EPS15L1: variants seen among roughly 807,000 people sequenced by gnomAD.
EPS15L1 encodes epidermal growth factor receptor pathway substrate 15 like 1, also known as epidermal growth factor receptor substrate 15-like 1.
A neutral mutation model predicts 117.1 loss-of-function variants in EPS15L1; 43 were observed. The observed-to-expected ratio is 0.37, with a 90% CI of 0.29 to 0.47. EPS15L1 has a LOEUF of 0.47. Among genes scored for constraint, EPS15L1 ranks in the 20% least tolerant of loss-of-function variants. The probability of loss-of-function intolerance (pLI) is 0.99; values close to 1 mark genes in which losing one functional copy is unlikely to be tolerated. For synonymous variants in EPS15L1, 459 were observed against 470.5 expected, an observed-to-expected ratio of 0.98 and a Z score of 0.32; for missense variants, 981 against 1,164.0, an observed-to-expected ratio of 0.84 and a Z score of 2.29.
intron 1 of EPS15L1, among the ~76,000 whole-genome samples, chr19:16,460,233 G>A (rs978729894): frequency 2.6e-5 from 4 of 152,138 alleles, no homozygotes; most frequent in Non-Finnish European, 5.9e-5. Context: ...GCAGTGAGCC[G>A]TGATGGCACC....
At chr19:16,439,317 A>G (rs1004844702) in intron 4 of EPS15L1, among the ~76,000 whole-genome samples, 33 of 152,296 alleles carry the variant, frequency 2.2e-4, no homozygotes, top group African/African-American at 7.5e-4. Context: ...GAAAAAAAGA[A>G]AAAGGAATTA....
chr19:16,398,428 C>A (rs1056160509), intron 16 of EPS15L1, among the ~76,000 whole-genome samples: 4 of 152,104 alleles, frequency 2.6e-5, no homozygotes, highest in Admixed American at 2.6e-4. Context: ...CTGACGACCA[C>A]AAGACACACA....
At chr19:16,356,217 G>A (rs373883172) in intron 23 of EPS15L1, 6 of 285,180 alleles carry the variant, frequency 2.1e-5, no homozygotes, top group East Asian at 2.0e-4. Context: ...AAAGCCCCAC[G>A]GCGCAGACAA....
intron 13 of EPS15L1, among the ~76,000 whole-genome samples, chr19:16,406,383 G>A (rs2092656658): frequency 6.6e-6 from 1 of 152,208 alleles, no homozygotes; most frequent in Non-Finnish European, 1.5e-5. Context: ...GAAGATGCTG[G>A]AAACATAAAG....
chr19:16,461,858 A>C (rs2093255942), intron 1 of EPS15L1, among the ~76,000 whole-genome samples: 1 of 152,180 alleles, frequency 6.6e-6, no homozygotes, highest in Non-Finnish European at 1.5e-5. Flanking sequence ...CCAAGAGACA[A>C]AACGTTCCCT....
intron 1 of EPS15L1, among the ~76,000 whole-genome samples, chr19:16,450,747 T>A (rs2093133587): frequency 6.6e-6 from 1 of 151,600 alleles, no homozygotes; most frequent in Non-Finnish European, 1.5e-5. Context: ...CCTCCCAAAG[T>A]GCTGGGATTA....
In EPS15L1 at chr19:16,355,849, A is replaced by G. The variant is rs2091972844; in HGVS notation, c.2589T>C (p.Phe863=). 1 of 1,535,716 alleles carries G rather than the reference A, an allele frequency of 6.5e-7. No individual in the cohort carries two copies. The highest frequency in any genetic ancestry group is 2.0e-5 in the Admixed American group (1 of 50,984). ...ACGCCAGCTGCTGCTCCTCATTGCC[A>G]AACTGCAAAGGAAAAACGGAGAGTG... ...SASGFADFTS[F]GNEEQQLAWA... Residue 863 remains phenylalanine, a splice_region_variant and synonymous_variant, in exon 24 of 24, where the codon TTT becomes TTC. Transcript: ENST00000455140.
At chr19:16,432,038 C>T (rs917676424) in intron 7 of EPS15L1, among the ~76,000 whole-genome samples, 2 of 152,132 alleles carry the variant, frequency 1.3e-5, no homozygotes, top group East Asian at 1.9e-4. Flanking sequence ...CTTGAGTATG[C>T]GTACATTTCG....
intron 21 of EPS15L1, among the ~76,000 whole-genome samples, chr19:16,382,143 T>C (rs1039586219): frequency 6.6e-6 from 1 of 152,146 alleles, no homozygotes; most frequent in African/African-American, 2.4e-5. Flanking sequence ...GCGCCTCCCA[T>C]GTGTGTTTAA....
intron 1 of EPS15L1, among the ~76,000 whole-genome samples, chr19:16,446,390 C>G (rs1242142258): frequency 6.6e-6 from 1 of 152,210 alleles, no homozygotes; most frequent in African/African-American, 2.4e-5. Context: ...AGTACGCGCT[C>G]TTGTGCAAAA....
intron 10 of EPS15L1, among the ~76,000 whole-genome samples, chr19:16,420,540 T>C (rs1330322242): frequency 6.6e-6 from 1 of 152,210 alleles, no homozygotes; most frequent in East Asian, 1.9e-4. Context: ...CCTCACAGTG[T>C]GGTCATCTGT....
chr19:16,432,395 C>T (rs1909214596), intron 7 of EPS15L1, among the ~76,000 whole-genome samples: 1 of 152,064 alleles, frequency 6.6e-6, no homozygotes, highest in African/African-American at 2.4e-5. Context: ...GGTGAAACCC[C>T]ATCTCTACTA....
chr19:16,386,973 G>T (rs1047728959), intron 19 of EPS15L1, among the ~76,000 whole-genome samples: 2 of 152,152 alleles, frequency 1.3e-5, no homozygotes, highest in African/African-American at 4.8e-5. Context: ...AACATATAAA[G>T]AACTGGAAAA....
intron 22 of EPS15L1, among the ~76,000 whole-genome samples, chr19:16,363,627 C>T (rs1270561249): frequency 6.6e-6 from 1 of 152,236 alleles, no homozygotes; most frequent in African/African-American, 2.4e-5. Flanking sequence ...TGCCTCCTCC[C>T]AGCTGGCCTC....
chr19:16,471,889 C>A lies in EPS15L1; in HGVS notation c.33+24G>T. ...CCTCGCGCCCCGCACCCCGGCGCCG[C>A]CCCCAGGCCCGCCCGGCCCGTACCT... On this transcript the variant is annotated intron_variant, in intron 1 of 23. Coordinates refer to ENST00000455140, the MANE Select transcript of EPS15L1 (RefSeq NM_001258374.3). The surrounding 1 kb of genome is among the most constrained non-coding windows in gnomAD (Gnocchi z 4.8). 7.8e-7 allele frequency: 1 copy of A among 1,289,412 alleles called. No individual in the cohort carries two copies. Among genetic ancestry groups the A allele is most frequent in the Non-Finnish European group, 9.9e-7 (1 of 1,013,216 alleles). The allele number at this position is 1,289,412 out of a possible 1,614,324, so 79.9% of individuals were successfully genotyped here.
At chr19:16,470,713 C>T (rs1177578164) in intron 1 of EPS15L1, among the ~76,000 whole-genome samples, 1 of 152,072 alleles carries the variant, frequency 6.6e-6, no homozygotes, top group African/African-American at 2.4e-5. Flanking sequence ...ATCAGCTAAC[C>T]AGTCATGCAA....
intron 22 of EPS15L1, among the ~76,000 whole-genome samples, chr19:16,367,356 G>A (rs192552059): frequency 2.0e-5 from 3 of 151,934 alleles, no homozygotes; most frequent in Admixed American, 1.3e-4. Flanking sequence ...AGGGATACAA[G>A]ACTGAAGAAA....
chr19:16,426,924 T>C (rs1851649116), intron 8 of EPS15L1, among the ~76,000 whole-genome samples: 1 of 152,224 alleles, frequency 6.6e-6, no homozygotes, highest in Non-Finnish European at 1.5e-5. Context: ...GTGAATTTCC[T>C]GATTTTGAAG....
Position 16,436,917 on chromosome 19 carries a change from A to G in EPS15L1, c.372+20T>C. ...CTATCTGAAGGAGAGCCAAGGAGGG[A>G]GCTATTCCCGTTCACTTACCCTCAC... is the stretch of plus-strand genomic sequence containing the variant. On this transcript the variant is annotated intron_variant, in intron 6 of 23. Transcript: ENST00000455140. 6.3e-7 allele frequency: 1 copy of G among 1,597,470 alleles called. No homozygotes were observed. Among genetic ancestry groups the G allele is most frequent in the Non-Finnish European group, 8.6e-7 (1 of 1,165,246 alleles).
Sources: allele counts gnomAD v4.1 joint callset (sites outside exome capture counted in the v4.1 genomes callset), GRCh38; gene constraint gnomAD v4.1.1; non-coding constraint Gnocchi (gnomAD v3.1); transcripts MANE v1.5; gene names NCBI Gene and HGNC (gene_info 2026-07-23, HGNC 2026-07-21).